Variants in FTO observed in about 807,000 individuals in gnomAD.
FTO encodes FTO alpha-ketoglutarate dependent dioxygenase.
In FTO, 47 loss-of-function variants were observed where a neutral mutation model predicts 63.9. The observed-to-expected ratio is 0.74, with a 90% CI of 0.58 to 0.94. The LOEUF (loss-of-function observed/expected upper bound fraction) is 0.94, where lower values mean the gene tolerates loss of function less well. Among genes scored for constraint, FTO ranks in the 40% least tolerant of loss-of-function variants. The probability of loss-of-function intolerance (pLI) is 0.00; values close to 1 mark genes in which losing one functional copy is unlikely to be tolerated. For synonymous variants in FTO, 207 were observed against 224.4 expected, an observed-to-expected ratio of 0.92 and a Z score of 0.69; for missense variants, 562 against 618.1, an observed-to-expected ratio of 0.91 and a Z score of 0.96.
intron 5 of FTO, among the ~76,000 whole-genome samples, chr16:53,877,419 G>A (rs974325317): frequency 3.9e-5 from 6 of 152,104 alleles, no homozygotes; most frequent in African/African-American, 1.2e-4. Context: ...GAAAACATAC[G>A]AAATGGAAGC....
At chr16:54,048,812 TA>T (rs2085245920) in intron 8 of FTO, among the ~76,000 whole-genome samples, 1 of 152,200 alleles carries the variant, frequency 6.6e-6, no homozygotes, top group South Asian at 2.1e-4. Context: ...TTGGCTGTAA[TA>T]AATATAAAAC....
At chr16:53,954,528 AAAG>A (rs1348954188) in intron 8 of FTO, among the ~76,000 whole-genome samples, 2 of 152,176 alleles carry the variant, frequency 1.3e-5, no homozygotes, top group East Asian at 3.9e-4. Flanking sequence ...GTCAAAGAGA[AAAG>A]AAGGTCAAAG....
At chr16:53,821,191 C>T (rs1426454289) in intron 2 of FTO, among the ~76,000 whole-genome samples, 1 of 152,094 alleles carries the variant, frequency 6.6e-6, no homozygotes, top group African/African-American at 2.4e-5. Flanking sequence ...TTTCAGTATT[C>T]CTTTCTTAGT....
chr16:53,983,399 G>T (rs1024317213), intron 8 of FTO, among the ~76,000 whole-genome samples: 31 of 151,904 alleles, frequency 2.0e-4, no homozygotes, highest in African/African-American at 7.5e-4. Flanking sequence ...CCATTTTGAC[G>T]GAACTGGGGC....
At chr16:53,830,154 G>A (rs2079106756) in intron 3 of FTO, among the ~76,000 whole-genome samples, 1 of 152,182 alleles carries the variant, frequency 6.6e-6, no homozygotes, top group Non-Finnish European at 1.5e-5. Context: ...GAAGTAATTT[G>A]TATAGGATAC....
At chr16:53,975,061 T>G (rs1209096225) in intron 8 of FTO, among the ~76,000 whole-genome samples, 12 of 152,124 alleles carry the variant, frequency 7.9e-5, no homozygotes, top group African/African-American at 2.9e-4. Flanking sequence ...ATTTCTAAAT[T>G]GACTTCAGCT....
At chr16:53,860,572 G>A (rs144452479) in intron 4 of FTO, among the ~76,000 whole-genome samples, 109 of 152,252 alleles carry the variant, frequency 7.2e-4, no homozygotes, top group African/African-American at 2.6e-3. Flanking sequence ...AAAAGGGGGA[G>A]CCAGCCCTTC....
Position 53,854,581 on chromosome 16 carries a change from C to T in FTO, c.895+10283C>T, listed in dbSNP as rs191424872. On this transcript the variant is annotated intron_variant, in intron 4 of 8. Transcript: ENST00000471389. The stretch of plus-strand genomic sequence containing the variant: ...TTCCAGTATATCCTTTGTCGAAGAT[C>T]AGTTAGTTGTAAGTATTTGGCTTTA... Among the ~76,000 whole-genome samples, 26 of 152,156 alleles carry T rather than the reference C, an allele frequency of 1.7e-4. No homozygotes were observed. In the East Asian group the frequency reaches 1.7e-3, roughly 10 times the overall value.
intron 8 of FTO, among the ~76,000 whole-genome samples, chr16:54,015,822 G>T (rs116457535): frequency 7.2e-5 from 11 of 152,190 alleles, no homozygotes; most frequent in African/African-American, 2.7e-4. Context: ...TGACTTACAA[G>T]TTCGGACAGC....
rs373705985 is a variant in FTO, at chr16:53,879,999, CT to C, written c.1119+25del. ...AAATTCATAATGAGGTAAGGACTTTCTTTTTTTTTTTTTGAGATGGAGTCTC... is the reference window on the plus strand; with the variant it reads ...AAATTCATAATGAGGTAAGGACTTTCTTTTTTTTTTTTGAGATGGAGTCTC... On this transcript the variant is annotated intron_variant, in intron 6 of 8. Transcript: ENST00000471389. 137,150 of 998,270 alleles carry C rather than the reference CT, an allele frequency of 0.14. 1 individual carries two copies. Among genetic ancestry groups the C allele is most frequent in the Non-Finnish European group, 0.15 (104,363 of 716,272 alleles). 61.8% of individuals were successfully genotyped at this position (998,270 alleles called of 1,614,324 possible). A position where few individuals can be genotyped will look rare whatever the true frequency, so the allele number is the denominator to read the frequency against.
intron 1 of FTO, among the ~76,000 whole-genome samples, chr16:53,766,269 A>G (rs1473827001): frequency 6.6e-6 from 1 of 152,174 alleles, no homozygotes; most frequent in Non-Finnish European, 1.5e-5. Context: ...TCTGTTGCCC[A>G]GGCCGGAGTG....
intron 8 of FTO, among the ~76,000 whole-genome samples, chr16:54,049,841 A>G (rs905117965): frequency 6.6e-6 from 1 of 152,196 alleles, no homozygotes; most frequent in African/African-American, 2.4e-5. Flanking sequence ...GTTTTCATGT[A>G]GAGCCTGAAT....
intron 8 of FTO, chr16:53,981,115 A>C (rs1285229390): frequency 1.3e-5 from 2 of 152,148 alleles, no homozygotes; most frequent in African/African-American, 2.4e-5. Flanking sequence ...CTTGAGGCCA[A>C]AAGTTTTGAG....
At chr16:53,746,799 A>C (rs948984736) in intron 1 of FTO, among the ~76,000 whole-genome samples, 1 of 152,274 alleles carries the variant, frequency 6.6e-6, no homozygotes, top group African/African-American at 2.4e-5. Flanking sequence ...AAAACCTCCC[A>C]AACTTACTCC....
chr16:53,856,619 G>A (rs777360761), intron 4 of FTO, among the ~76,000 whole-genome samples: 4 of 148,166 alleles, frequency 2.7e-5, no homozygotes, highest in East Asian at 2.1e-4. Flanking sequence ...GTGTGGTGGC[G>A]TGTGCCTGTA....
chr16:53,783,744 C>T (rs2077655722), intron 1 of FTO, among the ~76,000 whole-genome samples: 1 of 151,676 alleles, frequency 6.6e-6, no homozygotes, highest in African/African-American at 2.4e-5. Context: ...GCTGAGATCG[C>T]GCCACTGCAC....
intron 7 of FTO, among the ~76,000 whole-genome samples, chr16:53,919,497 C>T (rs553644550): frequency 6.6e-6 from 1 of 152,170 alleles, no homozygotes; most frequent in African/African-American, 2.4e-5. Context: ...GAAAAGAATT[C>T]ATTATACAAA....
intron 1 of FTO, among the ~76,000 whole-genome samples, chr16:53,712,768 A>C (rs933617946): frequency 6.6e-6 from 1 of 152,196 alleles, no homozygotes; most frequent in Non-Finnish European, 1.5e-5. Context: ...GACATTAATA[A>C]GTATCTGGTG....
At chr16:53,899,872 T>C (rs778730791) in intron 7 of FTO, among the ~76,000 whole-genome samples, 1 of 152,246 alleles carries the variant, frequency 6.6e-6, no homozygotes, top group Non-Finnish European at 1.5e-5. Context: ...TGTAATTCTA[T>C]AAGCAGCAGA....
Sources: allele counts gnomAD v4.1 joint callset (sites outside exome capture counted in the v4.1 genomes callset), GRCh38; gene constraint gnomAD v4.1.1; transcripts MANE v1.5; gene names NCBI Gene and HGNC (gene_info 2026-07-23, HGNC 2026-07-21).